TENM1: variants seen among roughly 807,000 people sequenced by gnomAD.
TENM1 encodes teneurin transmembrane protein 1, also known as teneurin-1.
Under a neutral mutation model 174.8 loss-of-function variants are expected in TENM1, and 35 were observed. The observed-to-expected ratio is 0.20, with a 90% CI of 0.15 to 0.27. The LOEUF is 0.27. Among genes scored for constraint, TENM1 ranks in the 10% least tolerant of loss-of-function variants. TENM1 has a pLI of 1.00. For synonymous variants in TENM1, 781 were observed against 798.7 expected, an observed-to-expected ratio of 0.98 and a Z score of 0.37; for missense variants, 1,633 against 2,130.1, an observed-to-expected ratio of 0.77 and a Z score of 4.59.
At chrX:124,934,405 C>G (rs1177381508) in intron 1 of TENM1, among the ~76,000 whole-genome samples, 1 of 112,272 alleles carries the variant, frequency 8.9e-6, no homozygotes, top group Non-Finnish European at 1.9e-5. Flanking sequence ...TAGCTAGGTC[C>G]TACTATACAA....
At chrX:124,930,037 C>T (rs1290018737) in intron 1 of TENM1, among the ~76,000 whole-genome samples, 1 of 109,884 alleles carries the variant, frequency 9.1e-6, no homozygotes, top group Non-Finnish European at 1.9e-5. Context: ...TCACCTCATA[C>T]CGTAACCTCT....
chrX:125,134,655 C>A, the TENM1 span, among the ~76,000 whole-genome samples: 3 of 111,702 alleles, frequency 2.7e-5, no homozygotes, highest in African/African-American at 9.8e-5. Flanking sequence ...TCATTCTGTC[C>A]CTCCACACAG....
the TENM1 span, among the ~76,000 whole-genome samples, chrX:125,118,158 G>A: frequency 9.0e-6 from 1 of 111,326 alleles, no homozygotes; most frequent in African/African-American, 3.3e-5. Context: ...ACTTCTAAGT[G>A]GGAACTAAAC....
At chrX:124,861,263 T>A (rs1327942021) in intron 3 of TENM1, among the ~76,000 whole-genome samples, 4 of 111,966 alleles carry the variant, frequency 3.6e-5, no homozygotes, top group Non-Finnish European at 7.5e-5. Flanking sequence ...GTTGTTTTTG[T>A]TTTGTTCTGT....
chrX:125,167,422 C>T, the TENM1 span, among the ~76,000 whole-genome samples: 2 of 111,573 alleles, frequency 1.8e-5, no homozygotes, highest in Non-Finnish European at 3.8e-5. Flanking sequence ...CTCTAGCCTA[C>T]ATGATTTGGG....
At chrX:124,988,521 C>A in the TENM1 span, among the ~76,000 whole-genome samples, 1 of 110,220 alleles carries the variant, frequency 9.1e-6, no homozygotes, top group Non-Finnish European at 1.9e-5. Flanking sequence ...CAGAAAATAA[C>A]GGAGAAGGAA....
intron 11 of TENM1, among the ~76,000 whole-genome samples, chrX:124,623,814 G>A (rs2050577376): frequency 1.8e-5 from 2 of 111,591 alleles, no homozygotes; most frequent in African/African-American, 3.3e-5. Flanking sequence ...CTGTCAAAGC[G>A]ATTGAGGATA....
the TENM1 span, among the ~76,000 whole-genome samples, chrX:125,165,889 A>C: frequency 9.0e-6 from 1 of 111,518 alleles, no homozygotes; most frequent in African/African-American, 3.3e-5. Flanking sequence ...TTAGTAAAAA[A>C]TAATTCAAAT....
At chrX:124,927,544 T>A (rs1026084243) in intron 1 of TENM1, among the ~76,000 whole-genome samples, 6 of 111,802 alleles carry the variant, frequency 5.4e-5, no homozygotes, top group Non-Finnish European at 1.1e-4. Context: ...AAAATATATG[T>A]CCCTTGTAAG....
chrX:124,673,170 G>C (rs2051966866), intron 5 of TENM1, among the ~76,000 whole-genome samples: 1 of 111,484 alleles, frequency 9.0e-6, no homozygotes, highest in Non-Finnish European at 1.9e-5. Context: ...GTGGGGAGAA[G>C]GGACAGGGCT....
chrX:124,753,698 AG>A (rs1249907775), intron 3 of TENM1, among the ~76,000 whole-genome samples: 1 of 111,552 alleles, frequency 9.0e-6, no homozygotes, highest in Non-Finnish European at 1.9e-5. Flanking sequence ...TTTAGCATGA[AG>A]GGTTGTTGAA....
At chrX:124,546,762 C>T (rs1226170361) in intron 15 of TENM1, 112 bp downstream of exon 18, 3 of 640,978 alleles carry the variant, frequency 4.7e-6, no homozygotes, top group East Asian at 6.7e-5. Flanking sequence ...AAGAAATGAA[C>T]GTGGATTATG....
chrX:124,525,811 AATCT>A (rs2047961883), intron 16 of TENM1, among the ~76,000 whole-genome samples: 1 of 111,823 alleles, frequency 8.9e-6, no homozygotes, highest in East Asian at 2.8e-4. Flanking sequence ...AAGCCTCTAT[AATCT>A]ATCTCTTAGC....
rs775240453 is a variant in TENM1 at position 124,531,864 on chromosome X, A to T, written c.2652-1881T>A. On this transcript the variant is annotated intron_variant, in intron 15 of 31. Transcript: ENST00000422452. Reference sequence around the variant, plus strand: ...GTCCAATGTAACAAGAAATGAAAATAAAAGGACATCTCTGATTTTATACAG... The same window carrying T: ...GTCCAATGTAACAAGAAATGAAAATTAAAGGACATCTCTGATTTTATACAG... 2.7e-5 allele frequency among the ~76,000 whole-genome samples: 3 copies of T among 112,564 alleles called. No individual in the cohort carries two copies. In the South Asian group the frequency reaches 1.1e-3, roughly 41 times the overall value.
chrX:124,493,000 C>T (rs1044532845), intron 20 of TENM1, among the ~76,000 whole-genome samples: 1 of 110,696 alleles, frequency 9.0e-6, no homozygotes, highest in Non-Finnish European at 1.9e-5. Flanking sequence ...CTCAGAAAAG[C>T]CGGCTAGCTT....
At chrX:125,058,283 G>T in the TENM1 span, among the ~76,000 whole-genome samples, 1 of 111,474 alleles carries the variant, frequency 9.0e-6, no homozygotes, top group African/African-American at 3.2e-5. Context: ...ATCATTTTTT[G>T]CCTATCCTAC....
chrX:125,177,047 TAAAC>T, the TENM1 span, among the ~76,000 whole-genome samples: 14,497 of 110,847 alleles, frequency 0.13, 743 homozygotes, highest in East Asian at 0.17. Flanking sequence ...GGTGTAAAAT[TAAAC>T]AAAATTAAGA....
chrX:124,740,798 C>G (rs981919420), intron 3 of TENM1, among the ~76,000 whole-genome samples: 4 of 111,201 alleles, frequency 3.6e-5, no homozygotes, highest in Non-Finnish European at 3.8e-5. Context: ...ACATTAAACA[C>G]TAATGAAAAA....
chrX:125,176,189 A>G, the TENM1 span, among the ~76,000 whole-genome samples: 69 of 103,321 alleles, frequency 6.7e-4, no homozygotes, highest in Non-Finnish European at 1.2e-3. Context: ...TCTAACAGCC[A>G]GCACTCACTT....
Sources: allele counts gnomAD v4.1 joint callset (sites outside exome capture counted in the v4.1 genomes callset), GRCh38; gene constraint gnomAD v4.1.1; transcripts MANE v1.5; gene names NCBI Gene and HGNC (gene_info 2026-07-23, HGNC 2026-07-21).